The following RXFP1 variants were observed in gnomAD, a reference collection of about 807,000 sequenced individuals.
RXFP1 encodes relaxin family peptide receptor 1.
A neutral mutation model predicts 89.8 loss-of-function variants in RXFP1; 73 were observed. That is an observed-to-expected ratio of 0.81 (90% confidence interval 0.67 to 0.99). The LOEUF (loss-of-function observed/expected upper bound fraction) is 0.99. Among genes scored for constraint, RXFP1 ranks in the 50% least tolerant of loss-of-function variants. The pLI is 0.00. For synonymous variants in RXFP1, 277 were observed against 305.5 expected, an observed-to-expected ratio of 0.91 and a Z score of 0.97; for missense variants, 793 against 895.5, an observed-to-expected ratio of 0.89 and a Z score of 1.46.
At chr4:158,527,903 T>C (rs1164780543) in intron 1 of RXFP1, among the ~76,000 whole-genome samples, 2 of 152,202 alleles carry the variant, frequency 1.3e-5, no homozygotes, top group East Asian at 3.9e-4. Flanking sequence ...AAAGTGGGTC[T>C]CCAAATTTCA....
chr4:158,606,788 G>A (rs917951829), intron 5 of RXFP1, among the ~76,000 whole-genome samples: 3 of 147,122 alleles, frequency 2.0e-5, no homozygotes, highest in African/African-American at 7.5e-5. Context: ...ATCTCACTAT[G>A]TTGCCCTGCC....
intron 2 of RXFP1, among the ~76,000 whole-genome samples, 177 bp from the exon 3 acceptor site, chr4:158,593,224 T>C (rs1159015101): frequency 6.6e-6 from 1 of 152,136 alleles, no homozygotes; most frequent in Admixed American, 6.5e-5. Flanking sequence ...GACTATAAAA[T>C]GAGAATCTCC....
chr4:158,619,624 A>G (rs886584482), intron 9 of RXFP1, among the ~76,000 whole-genome samples: 4 of 152,190 alleles, frequency 2.6e-5, no homozygotes, highest in African/African-American at 9.7e-5. Flanking sequence ...AGGAGTAGGT[A>G]AGGAAACCAG....
In RXFP1 at chr4:158,573,244, G is replaced by A. The variant is rs147851550; in HGVS notation, c.187+409G>A. ...AGGATGGTCTCAATCTCCTAACCTC[G>A]TGATCCACCCACCTCTTCCTCCCAT... On this transcript the variant is annotated intron_variant, in intron 2 of 17. Coordinates refer to ENST00000307765, the MANE Select transcript of RXFP1 (RefSeq NM_021634.4). 2.4e-3 allele frequency among the ~76,000 whole-genome samples: 362 copies of A among 152,196 alleles called. 3 individuals carry two copies. The highest frequency in any genetic ancestry group is 8.1e-3 in the African/African-American group (335 of 41,544).
intron 1 of RXFP1, among the ~76,000 whole-genome samples, chr4:158,561,352 C>A (rs772564871): frequency 6.6e-6 from 1 of 152,210 alleles, no homozygotes; most frequent in Non-Finnish European, 1.5e-5. Context: ...AAATTCCACA[C>A]CTGACCTAAT....
In RXFP1 at chr4:158,605,129, C is replaced by A; in HGVS notation, c.454C>A (p.Leu152Ile). The change falls in exon 5 of 18, where the codon CTT becomes ATT. Residue 152 changes from leucine (L) to isoleucine (I), a missense_variant. Leu to Ile is a conservative substitution (Grantham distance 5). Transcript: ENST00000307765. ...PPDCFKNYHD[L>I]QKLYLQNNKI... ...TGATTGCTTCAAGAATTATCATGAT[C>A]TTCAGAAGCTGTAAGAAAATACTTA... 1 of 1,584,478 alleles carries A rather than the reference C, an allele frequency of 6.3e-7. No homozygotes were observed. Among genetic ancestry groups the A allele is most frequent in the South Asian group, 1.1e-5 (1 of 88,056 alleles).
At chr4:158,591,035 C>G (rs951373863) in intron 2 of RXFP1, among the ~76,000 whole-genome samples, 4 of 152,156 alleles carry the variant, frequency 2.6e-5, no homozygotes, top group Admixed American at 2.6e-4. Context: ...ACTGCCCTAA[C>G]TGCCACTAGA....
chr4:158,604,928 T>C, intron 4 of RXFP1, 140 bp from the exon 5 acceptor site: 1 of 472,150 alleles, frequency 2.1e-6, no homozygotes, highest in Middle Eastern at 5.8e-4. Flanking sequence ...AGTGATATGA[T>C]AAATATGAGA....
chr4:158,602,662 G>A (rs980940635), intron 4 of RXFP1, among the ~76,000 whole-genome samples: 2 of 152,088 alleles, frequency 1.3e-5, no homozygotes, highest in Non-Finnish European at 2.9e-5. Context: ...TATAATTTGT[G>A]CAAATAGAGT....
intron 1 of RXFP1, among the ~76,000 whole-genome samples, chr4:158,532,368 G>A (rs1013438669): frequency 2.0e-4 from 30 of 151,834 alleles, no homozygotes; most frequent in Non-Finnish European, 2.2e-4. Context: ...CTTTGCTATT[G>A]TGAATAGTGC....
intron 3 of RXFP1, among the ~76,000 whole-genome samples, chr4:158,594,603 A>G (rs1760177124): frequency 6.6e-6 from 1 of 152,126 alleles, no homozygotes; most frequent in Non-Finnish European, 1.5e-5. Context: ...GAGGCTATAG[A>G]TAGGATGTTT....
chr4:158,557,315 A>G (rs1054489074), intron 1 of RXFP1, among the ~76,000 whole-genome samples: 4 of 152,130 alleles, frequency 2.6e-5, no homozygotes, highest in Admixed American at 6.5e-5. Context: ...TTAACTAATA[A>G]TTTAGGTTTG....
chr4:158,607,513 C>G (rs963344649), intron 5 of RXFP1, among the ~76,000 whole-genome samples: 1 of 152,164 alleles, frequency 6.6e-6, no homozygotes, highest in Admixed American at 6.5e-5. Flanking sequence ...GTGTTGAGCA[C>G]TTAACAAGTT....
chr4:158,599,211 T>C, intron 3 of RXFP1, 115 bp from the exon 4 acceptor site: 1 of 1,520,772 alleles, frequency 6.6e-7, no homozygotes, highest in South Asian at 1.2e-5. Flanking sequence ...ACGTAGCACA[T>C]GATATGCTTT....
rs1478479314 is a variant in RXFP1 at position 158,645,063 on chromosome 4, A to C, written c.1270A>C (p.Ile424Leu). 6.2e-7 allele frequency: 1 copy of C among 1,614,174 alleles called. No homozygotes were observed. Among genetic ancestry groups the C allele is most frequent in the South Asian group, 1.1e-5 (1 of 91,082 alleles). Residue 424 changes from isoleucine to leucine, a missense_variant, in exon 15 of 18, where the codon ATT becomes CTT. Transcript: ENST00000307765. ...ATCTGCAGTTACCTGCTTTGGAAAC[A>C]TTTTTGTCATTTGCATGCGACCTTA... ...VVSAVTCFGN[I>L]FVICMRPYIR...
rs573396957 is a variant in RXFP1 at position 158,624,137 on chromosome 4, G to A, written c.756-2683G>A. On this transcript the variant is annotated intron_variant, in intron 9 of 17. Coordinates refer to ENST00000307765, the MANE Select transcript of RXFP1 (RefSeq NM_021634.4). ...TCACCAAAATTGACCATATATTTTA[G>A]GACATAAACATACACAAACCAAACT... Among the ~76,000 whole-genome samples the A allele has an allele frequency of 9.5e-4, 145 of 152,246 alleles. 3 individuals are homozygous for A. Among genetic ancestry groups the A allele is most frequent in the South Asian group, 7.3e-3 (35 of 4,824 alleles).
chr4:158,618,020 T>C (rs1190265931), intron 9 of RXFP1, among the ~76,000 whole-genome samples: 1 of 152,130 alleles, frequency 6.6e-6, no homozygotes, highest in Non-Finnish European at 1.5e-5. Flanking sequence ...GCAATGACAG[T>C]AATTCAAACT....
In RXFP1 at chr4:158,645,143, G is replaced by A. The variant is rs1171146280; in HGVS notation, c.1345+5G>A. The stretch of plus-strand genomic sequence containing the variant: ...TGTCAATCATTTCTCTCTGCTGTGA[G>A]TATTTCCTGGTTAAAGGAGAATTGT... On this transcript the variant is annotated splice_donor_5th_base_variant and intron_variant, in intron 15 of 17. Transcript: ENST00000307765. The A allele has an allele frequency of 2.5e-6, 4 of 1,593,520 alleles. No individual in the cohort carries two copies. Among genetic ancestry groups the A allele is most frequent in the Non-Finnish European group, 3.4e-6 (4 of 1,161,496 alleles).
intron 1 of RXFP1, among the ~76,000 whole-genome samples, chr4:158,568,730 CTA>C (rs1754381944): frequency 1.3e-5 from 2 of 152,176 alleles, no homozygotes; most frequent in Non-Finnish European, 2.9e-5. Flanking sequence ...CTTCATCAAA[CTA>C]TGTGCTCTGA....
Sources: gnomAD v4.1 joint callset for allele counts (sites outside exome capture counted in the v4.1 genomes callset) on GRCh38, gnomAD v4.1.1 for gene constraint, MANE v1.5 for transcripts, NCBI Gene and HGNC (gene_info 2026-07-23, HGNC 2026-07-21) for gene names.